SGCZ: variants seen among roughly 807,000 people sequenced by gnomAD.
The protein encoded by SGCZ is zeta-sarcoglycan.
SGCZ carries 40 observed loss-of-function variants against 41.3 expected under a neutral mutation model. The observed-to-expected ratio is 0.97, with a 90% CI of 0.75 to 1.26. The LOEUF (loss-of-function observed/expected upper bound fraction) is 1.26. Ranked by LOEUF, SGCZ falls within the 50% of genes most tolerant of loss-of-function variation. The pLI is 0.00. For missense variants in SGCZ, 552 were observed against 369.8 expected (o/e 1.49, Z -4.04); for synonymous variants, 206 against 137.5 (o/e 1.50, Z -3.49).
intron 5 of SGCZ, among the ~76,000 whole-genome samples, chr8:14,128,340 A>G (rs1802928775): frequency 6.6e-6 from 1 of 152,226 alleles, no homozygotes; most frequent in Non-Finnish European, 1.5e-5. Context: ...AATGCAAATT[A>G]AAATCACAAT....
chr8:15,009,877 G>A (rs1802765458), intron 1 of SGCZ, among the ~76,000 whole-genome samples: 1 of 152,038 alleles, frequency 6.6e-6, no homozygotes, highest in Admixed American at 6.5e-5. Flanking sequence ...TTCCTCTGTA[G>A]CAAATTTATA....
chr8:14,818,575 C>A (rs1343195490), intron 1 of SGCZ, among the ~76,000 whole-genome samples: 2 of 152,044 alleles, frequency 1.3e-5, no homozygotes, highest in Non-Finnish European at 2.9e-5. Context: ...TCTCCACTAA[C>A]AGAACCCAAA....
chr8:14,468,812 C>T (rs556018247), intron 2 of SGCZ, among the ~76,000 whole-genome samples: 5 of 152,176 alleles, frequency 3.3e-5, no homozygotes, highest in Non-Finnish European at 5.9e-5. Context: ...ATATAACAAG[C>T]TTATTGTGCC....
Position 14,615,801 on chromosome 8 carries a change from C to T in SGCZ, c.40-60875G>A, listed in dbSNP as rs78041876. ...TGTACCTCGCAACACAGAACATTTA[C>T]ATATATGTATAAATATTGAACTATT... On this transcript the variant is annotated intron_variant, in intron 1 of 7. Transcript: ENST00000382080. 4.5e-3 allele frequency among the ~76,000 whole-genome samples: 680 copies of T among 152,304 alleles called. 6 individuals carry two copies. The highest frequency in any genetic ancestry group is 0.015 in the African/African-American group (638 of 41,562).
chr8:14,769,730 G>C (rs1300705298), intron 1 of SGCZ, among the ~76,000 whole-genome samples: 1 of 145,818 alleles, frequency 6.9e-6, no homozygotes, highest in Non-Finnish European at 1.5e-5. Context: ...GGGAGGCAGA[G>C]GTTGCAGTGA....
chr8:14,177,856 C>A (rs982300792), intron 4 of SGCZ, among the ~76,000 whole-genome samples: 9 of 151,504 alleles, frequency 5.9e-5, no homozygotes, highest in Admixed American at 3.9e-4. Flanking sequence ...TTTGAATCTG[C>A]TGTTTTTAAA....
Position 14,348,958 on chromosome 8 carries a change from T to C in SGCZ, c.235-24754A>G, listed in dbSNP as rs552190509. On this transcript the variant is annotated intron_variant, in intron 2 of 7. Coordinates refer to ENST00000382080, the MANE Select transcript of SGCZ (RefSeq NM_139167.4). ...ATTTTACAAAATTTATTTACTGGAC[T>C]CATTTTTACTGTGTTACGTAAATAT... Among the ~76,000 whole-genome samples the C allele has an allele frequency of 5.3e-5, 8 of 152,260 alleles. No individual in the cohort carries two copies. The East Asian group carries it at 1.5e-3, about 29-fold the overall frequency.
intron 3 of SGCZ, among the ~76,000 whole-genome samples, chr8:14,248,581 T>C (rs763952149): frequency 4.6e-5 from 7 of 152,172 alleles, no homozygotes; most frequent in Non-Finnish European, 7.3e-5. Context: ...GACATCATAT[T>C]TAAATAAGAA....
chr8:14,945,006 C>G (rs1016758292), intron 1 of SGCZ, among the ~76,000 whole-genome samples: 1 of 152,112 alleles, frequency 6.6e-6, no homozygotes, highest in African/African-American at 2.4e-5. Context: ...AAGCATCAGT[C>G]TTTGAACCAC....
At chr8:14,203,297 G>C (rs183060844) in intron 4 of SGCZ, among the ~76,000 whole-genome samples, 37 of 152,314 alleles carry the variant, frequency 2.4e-4, no homozygotes, top group Admixed American at 1.3e-4. Context: ...GGTAAGTGCT[G>C]TTAAGACGAG....
At chr8:14,734,200 G>A (rs546777049) in intron 1 of SGCZ, among the ~76,000 whole-genome samples, 2 of 152,166 alleles carry the variant, frequency 1.3e-5, no homozygotes, top group East Asian at 1.9e-4. Flanking sequence ...GCAGCTGGCC[G>A]AAAAAGAATA....
chr8:14,539,479 G>A (rs1803393361), intron 2 of SGCZ, among the ~76,000 whole-genome samples: 1 of 151,870 alleles, frequency 6.6e-6, no homozygotes, highest in East Asian at 1.9e-4. Flanking sequence ...AGGATATTGG[G>A]GAAGATTGGT....
chr8:14,278,527 C>G (rs1343049726), intron 3 of SGCZ, among the ~76,000 whole-genome samples: 1 of 151,948 alleles, frequency 6.6e-6, no homozygotes, highest in Non-Finnish European at 1.5e-5. Flanking sequence ...TGCCCAACTA[C>G]TCAAAGTTAT....
chr8:14,116,653 C>A (rs2117024585), intron 5 of SGCZ, among the ~76,000 whole-genome samples: 1 of 152,050 alleles, frequency 6.6e-6, no homozygotes, highest in African/African-American at 2.4e-5. Flanking sequence ...GATTATTTAC[C>A]TTTTGTTGCT....
chr8:14,894,030 C>T (rs2130747392), intron 1 of SGCZ, among the ~76,000 whole-genome samples: 1 of 152,092 alleles, frequency 6.6e-6, no homozygotes. Flanking sequence ...GGCTTTTTTC[C>T]TTTAAATGAG....
chr8:14,738,095 G>T (rs1073065), intron 1 of SGCZ, among the ~76,000 whole-genome samples: 2 of 151,974 alleles, frequency 1.3e-5, no homozygotes, highest in Non-Finnish European at 2.9e-5. Flanking sequence ...ACAGCCACAC[G>T]ATATTGCTCT....
chr8:14,218,569 G>T (rs5014263), intron 4 of SGCZ, among the ~76,000 whole-genome samples: 36,249 of 152,252 alleles, frequency 0.24, 5,550 homozygotes, highest in Non-Finnish European at 0.34. Flanking sequence ...TTGTGTGACA[G>T]TGGAATGCAT....
chr8:14,187,151 T>A (rs1050245695), intron 4 of SGCZ, among the ~76,000 whole-genome samples: 1 of 152,120 alleles, frequency 6.6e-6, no homozygotes, highest in Non-Finnish European at 1.5e-5. Flanking sequence ...AGGCAAAGGA[T>A]AAAAACAGAC....
chr8:14,312,952 A>T (rs940490609), intron 3 of SGCZ, among the ~76,000 whole-genome samples: 11 of 152,188 alleles, frequency 7.2e-5, no homozygotes, highest in African/African-American at 2.2e-4. Context: ...TCACCTTCTT[A>T]CTAAGAAGAC....
Sources: allele counts gnomAD v4.1 joint callset (sites outside exome capture counted in the v4.1 genomes callset), GRCh38; gene constraint gnomAD v4.1.1; transcripts MANE v1.5; gene names NCBI Gene and HGNC (gene_info 2026-07-23, HGNC 2026-07-21).